The following CMKLR2 variants were observed in gnomAD, a reference collection of about 807,000 sequenced individuals.
The protein encoded by CMKLR2 is chemerin-like receptor 2.
CMKLR2 carries 18 observed loss-of-function variants against 23.0 expected under a neutral mutation model. The observed-to-expected ratio is 0.78, with a 90% CI of 0.54 to 1.16. The LOEUF (loss-of-function observed/expected upper bound fraction) is 1.16, where lower values mean the gene tolerates loss of function less well. Among genes scored for constraint, CMKLR2 ranks in the 50% most tolerant of loss-of-function variants. CMKLR2 has a pLI of 0.00. For missense variants in CMKLR2, 401 were observed against 412.7 expected (o/e 0.97, Z 0.25); for synonymous variants, 158 against 158.9 (o/e 0.99, Z 0.05).
In CMKLR2 at chr2:206,175,593, G is replaced by A. The variant is rs1040424965; in HGVS notation, c.*587C>T. 2.0e-5 allele frequency: 3 copies of A among 152,170 alleles called. No individual in the cohort carries two copies. Among genetic ancestry groups the A allele is most frequent in the African/African-American group, 7.2e-5 (3 of 41,410 alleles). 9.4% of individuals were successfully genotyped at this position (152,170 alleles called of 1,614,324 possible). A position where few individuals can be genotyped will look rare whatever the true frequency, so the allele number is the denominator to read the frequency against. On this transcript the variant is annotated 3_prime_UTR_variant, in exon 2 of 2. Transcript: ENST00000621141. ...GCTCACCACAACCTCTGCCTCCCAG[G>A]TTCAAGTGATTCTCCTGCTTCAGCC...
At chr2:206,217,450 A>G (rs538799908), upstream of CMKLR2, 1 of 152,260 alleles carries the variant, frequency 6.6e-6, no homozygotes, top group Admixed American at 6.5e-5. Context: ...TAAAGCAGAG[A>G]ATTCTTAAAG....
chr2:206,187,557 T>C (rs1039777289), intron 1 of CMKLR2, among the ~76,000 whole-genome samples: 3 of 152,226 alleles, frequency 2.0e-5, no homozygotes, highest in Admixed American at 2.0e-4. Flanking sequence ...TAAGGGCCTA[T>C]AGAGATGTTT....
At chr2:206,200,522 A>G (rs567762953) in intron 1 of CMKLR2, among the ~76,000 whole-genome samples, 2 of 152,374 alleles carry the variant, frequency 1.3e-5, no homozygotes, top group South Asian at 2.1e-4. Flanking sequence ...TTCAAAAGCC[A>G]AGTACATCTC....
At chr2:206,193,860 T>C (rs1688832474) in intron 1 of CMKLR2, among the ~76,000 whole-genome samples, 1 of 152,222 alleles carries the variant, frequency 6.6e-6, no homozygotes, top group Admixed American at 6.5e-5. Flanking sequence ...TTTGTACTCC[T>C]GTATCTCTGC....
At chr2:206,202,765 A>C (rs1178851337) in intron 1 of CMKLR2, among the ~76,000 whole-genome samples, 1 of 151,976 alleles carries the variant, frequency 6.6e-6, no homozygotes, top group Non-Finnish European at 1.5e-5. Context: ...GGCTTACCTT[A>C]CTACAAAAGA....
intron 1 of CMKLR2, among the ~76,000 whole-genome samples, chr2:206,198,504 T>C (rs751035675): frequency 2.6e-5 from 4 of 152,196 alleles, no homozygotes; most frequent in African/African-American, 4.8e-5. Context: ...CTAGCTCTTT[T>C]ATTACTCTCC....
chr2:206,211,589 C>T (rs938754211), intron 1 of CMKLR2, among the ~76,000 whole-genome samples: 2 of 151,966 alleles, frequency 1.3e-5, no homozygotes, highest in African/African-American at 4.8e-5. Flanking sequence ...CCACACCATG[C>T]CTGAACAGTT....
chr2:206,187,388 C>T (rs967642572), intron 1 of CMKLR2, among the ~76,000 whole-genome samples: 14 of 152,166 alleles, frequency 9.2e-5, no homozygotes, highest in Admixed American at 2.6e-4. Context: ...GGGCAGAGCA[C>T]AGCTTACAGG....
intron 1 of CMKLR2, among the ~76,000 whole-genome samples, chr2:206,190,976 T>C (rs533889351): frequency 6.6e-6 from 1 of 152,220 alleles, no homozygotes; most frequent in Non-Finnish European, 1.5e-5. Flanking sequence ...TATGGCTCTG[T>C]TGATTGCTGG....
chr2:206,176,077 A>G lies in CMKLR2; in HGVS notation c.*103T>C, dbSNP rs921785665. 1 of 798,180 alleles carries G rather than the reference A, an allele frequency of 1.3e-6. No individual in the cohort carries two copies. The highest frequency in any genetic ancestry group is 1.7e-5 in the African/African-American group (1 of 57,664). 49.4% of individuals were successfully genotyped at this position (798,180 alleles called of 1,614,324 possible). On this transcript the variant is annotated 3_prime_UTR_variant, in exon 2 of 2. Transcript: ENST00000621141. Reference sequence around the variant, plus strand: ...ATAGTGACCAGAAACAATAACTATGAAAGTGGAGTCGGCTCTCTATCTTGG... The same window carrying G: ...ATAGTGACCAGAAACAATAACTATGGAAGTGGAGTCGGCTCTCTATCTTGG...
Position 206,176,213 on chromosome 2 carries a change from G to T in CMKLR2, c.1035C>A (p.Thr345=). ...CTGTTTCCAGGAGACACAGATTCTT[G>T]GTTTCTGAGTTCCTGAGCTGTTCAC... ...TVSEQLRNSE[T]KNLCLLETAQ Residue 345 remains threonine (T), a synonymous_variant, in exon 2 of 2, where the codon ACC becomes ACA. Transcript: ENST00000621141. 2 of 1,612,790 alleles carry T rather than the reference G, an allele frequency of 1.2e-6. No individual in the cohort carries two copies. The highest frequency in any genetic ancestry group is 2.7e-5 in the African/African-American group (2 of 74,996).
rs779420589 is a variant in CMKLR2, at chr2:206,176,838, A to T, written c.410T>A (p.Ile137Asn). 10 of 1,614,204 alleles carry T rather than the reference A, an allele frequency of 6.2e-6. No homozygotes were observed. The highest frequency in any genetic ancestry group is 7.6e-6 in the Non-Finnish European group (9 of 1,180,020). Residue 137 changes from isoleucine (I) to asparagine (N), a missense_variant, in exon 2 of 2, where the codon ATC becomes AAC. By Grantham distance (149) the Ile-to-Asn change is moderately radical. Transcript: ENST00000621141. ...AGATAAGACAGGATGGATCAAGTGG[A>T]TATAGTGGTCCAGGCTGATCACTGT... is the stretch of plus-strand genomic sequence containing the variant. ...FLTVISLDHY[I>N]HLIHPVLSHR...
intron 1 of CMKLR2, among the ~76,000 whole-genome samples, chr2:206,209,652 T>C (rs76274582): frequency 0.75 from 106,049 of 140,522 alleles, 39,796 homozygotes; most frequent in Non-Finnish European, 0.8. Flanking sequence ...TCTTTCTTTT[T>C]TTTTTTTTTT....
chr2:206,209,881 C>T (rs1689482040), intron 1 of CMKLR2, among the ~76,000 whole-genome samples: 1 of 151,782 alleles, frequency 6.6e-6, no homozygotes, highest in Admixed American at 6.6e-5. Flanking sequence ...ATTTCCTGAC[C>T]TCATGATCCA....
intron 1 of CMKLR2, among the ~76,000 whole-genome samples, chr2:206,179,827 C>G (rs1432083213): frequency 6.6e-6 from 1 of 152,098 alleles, no homozygotes; most frequent in Non-Finnish European, 1.5e-5. Flanking sequence ...GAGTTACAAT[C>G]ATACATGAGG....
intron 1 of CMKLR2, among the ~76,000 whole-genome samples, chr2:206,202,954 G>A (rs1037320699): frequency 2.0e-5 from 3 of 151,804 alleles, no homozygotes; most frequent in East Asian, 1.9e-4. Flanking sequence ...CTACCAGATC[G>A]ACCTCCTCCC....
intron 1 of CMKLR2, among the ~76,000 whole-genome samples, chr2:206,194,913 C>G (rs1057407677): frequency 6.6e-6 from 1 of 151,932 alleles, no homozygotes; most frequent in Non-Finnish European, 1.5e-5. Context: ...GCCACAAAGC[C>G]TGGCTAATTT....
chr2:206,177,645 C>T (rs1688276131), intron 1 of CMKLR2, among the ~76,000 whole-genome samples: 1 of 152,080 alleles, frequency 6.6e-6, no homozygotes. Context: ...CCTCAGCCTC[C>T]CAAAGTGCTG....
chr2:206,184,502 G>A (rs933286187), intron 1 of CMKLR2, among the ~76,000 whole-genome samples: 1 of 151,780 alleles, frequency 6.6e-6, no homozygotes, highest in Non-Finnish European at 1.5e-5. Context: ...TCACTATATT[G>A]GCCAGGCTGG....
Sources: allele counts gnomAD v4.1 joint callset (sites outside exome capture counted in the v4.1 genomes callset), GRCh38; gene constraint gnomAD v4.1.1; transcripts MANE v1.5; gene names NCBI Gene and HGNC (gene_info 2026-07-23, HGNC 2026-07-21).